THADA: variants seen among roughly 807,000 people sequenced by gnomAD.
The protein encoded by THADA is THADA armadillo repeat containing.
In THADA, 213 loss-of-function variants were observed where a neutral mutation model predicts 219.8. The ratio of observed to expected loss-of-function variants is 0.97; its 90% CI spans 0.87 to 1.09. The LOEUF (loss-of-function observed/expected upper bound fraction) is 1.09, where lower values mean the gene tolerates loss of function less well. THADA is among the 50% of genes least tolerant of loss of function. The probability of loss-of-function intolerance (pLI) is 0.00; values close to 1 mark genes in which losing one functional copy is unlikely to be tolerated. For missense variants in THADA, 2,956 were observed against 2,311.3 expected, an observed-to-expected ratio of 1.28 and a Z score of -5.72; for synonymous variants, 1,018 against 828.9, an observed-to-expected ratio of 1.23 and a Z score of -3.92.
chr2:43,296,261 C>CTGGAACTCATGTAGGCTCACAAT, intron 31 of THADA, among the ~76,000 whole-genome samples: 4 of 151,132 alleles, frequency 2.6e-5, no homozygotes, highest in Admixed American at 6.6e-5. Context: ...CCCAGCTCAC[C>CTGGAACTCATGTAGGCTCACAAT]AGGAGGCATC....
intron 36 of THADA, 49 bp downstream of exon 36, chr2:43,279,716 C>A (rs1673117382): frequency 7.2e-6 from 11 of 1,522,602 alleles, no homozygotes; most frequent in Non-Finnish European, 9.7e-6. Flanking sequence ...AGTGTTCCAA[C>A]CTCTATCCTG....
intron 22 of THADA, among the ~76,000 whole-genome samples, chr2:43,509,121 G>T (rs766777248): frequency 2.6e-5 from 4 of 152,098 alleles, no homozygotes; most frequent in Non-Finnish European, 5.9e-5. Context: ...CCAACAAAGA[G>T]AATATAAGTT....
intron 26 of THADA, among the ~76,000 whole-genome samples, chr2:43,446,506 GA>G (rs1029970542): frequency 3.3e-5 from 5 of 152,182 alleles, no homozygotes; most frequent in African/African-American, 9.7e-5. Flanking sequence ...TCCAGCCCCA[GA>G]AATGTGAGTG....
intron 22 of THADA, among the ~76,000 whole-genome samples, chr2:43,526,113 T>C (rs929544718): frequency 3.3e-5 from 5 of 152,232 alleles, no homozygotes; most frequent in Non-Finnish European, 4.4e-5. Context: ...GCCAGAGATC[T>C]GTCAATAGGG....
chr2:43,477,035 G>A (rs1685635056), intron 26 of THADA, among the ~76,000 whole-genome samples: 1 of 152,038 alleles, frequency 6.6e-6, no homozygotes, highest in South Asian at 2.1e-4. Context: ...TGACAATGTG[G>A]GATAATTTAC....
At chr2:43,442,035 G>C (rs532348965) in intron 26 of THADA, among the ~76,000 whole-genome samples, 65 of 152,272 alleles carry the variant, frequency 4.3e-4, no homozygotes, top group Non-Finnish European at 7.9e-4. Context: ...AATAGCATAA[G>C]GCAAACCATT....
intron 26 of THADA, among the ~76,000 whole-genome samples, chr2:43,431,476 GT>G (rs905081153): frequency 2.6e-5 from 4 of 151,642 alleles, no homozygotes; most frequent in South Asian, 2.1e-4. Context: ...TTGTTTGTTT[GT>G]TTTTTTGAGA....
At chr2:43,315,197 T>A (rs1677937480) in intron 31 of THADA, among the ~76,000 whole-genome samples, 1 of 152,238 alleles carries the variant, frequency 6.6e-6, no homozygotes. Flanking sequence ...AAGATTCATA[T>A]TTAAATACAT....
chr2:43,342,302 CA>C (rs1463567627), intron 30 of THADA, among the ~76,000 whole-genome samples: 1 of 152,182 alleles, frequency 6.6e-6, no homozygotes, highest in Non-Finnish European at 1.5e-5. Flanking sequence ...ATTTCTCCAT[CA>C]ATATCCCTAT....
chr2:43,358,201 A>C (rs200593455), intron 29 of THADA, among the ~76,000 whole-genome samples: 1 of 152,196 alleles, frequency 6.6e-6, no homozygotes, highest in African/African-American at 2.4e-5. Context: ...CACAAAGTAC[A>C]TTACTTTTAG....
At chr2:43,526,182 C>T (rs1054027480) in intron 22 of THADA, among the ~76,000 whole-genome samples, 4 of 152,142 alleles carry the variant, frequency 2.6e-5, no homozygotes, top group East Asian at 1.9e-4. Flanking sequence ...AATTTTTGTA[C>T]AATCTCATTG....
chr2:43,286,110 C>A (rs1212516712), intron 35 of THADA, among the ~76,000 whole-genome samples: 2 of 152,142 alleles, frequency 1.3e-5, no homozygotes, highest in African/African-American at 4.8e-5. Flanking sequence ...TTGCAATAGG[C>A]CTCCCAGAAG....
chr2:43,508,925 C>T lies in THADA; in HGVS notation c.3375-145G>A, dbSNP rs1472367098. ...ACTAAAACATGTCTCATACTTTTCA[C>T]CTACTTTCCTCTTTATTATGGGTCT... On this transcript the variant is annotated intron_variant, in intron 22 of 37. Transcript: ENST00000405975. 5 of 733,380 alleles carry T rather than the reference C, an allele frequency of 6.8e-6. No individual in the cohort carries two copies. In the East Asian group the frequency reaches 1.4e-4, roughly 21 times the overall value. 45.4% of individuals were successfully genotyped at this position (733,380 alleles called of 1,614,324 possible).
intron 28 of THADA, among the ~76,000 whole-genome samples, chr2:43,401,124 G>C (rs1345957400): frequency 6.6e-6 from 1 of 152,156 alleles, no homozygotes; most frequent in African/African-American, 2.4e-5. Context: ...TTCTAGGCCT[G>C]AATACTAGGT....
Position 43,286,780 on chromosome 2 carries a change from A to G in THADA, c.5164+128T>C, listed in dbSNP as rs139162931. 21 of 1,044,476 alleles carry G rather than the reference A, an allele frequency of 2.0e-5. No homozygotes were observed. In the African/African-American group the frequency reaches 3.2e-4, roughly 16 times the overall value. The allele number at this position is 1,044,476 out of a possible 1,614,324, so 64.7% of individuals were successfully genotyped here. ...TTAGAGCATGAACTAAGACGGTAGGAATATAACTGAAAGACATAAAGGCAG... is the reference window on the plus strand; with the variant it reads ...TTAGAGCATGAACTAAGACGGTAGGGATATAACTGAAAGACATAAAGGCAG... On this transcript the variant is annotated intron_variant, in intron 35 of 37. Transcript: ENST00000405975.
At chr2:43,271,023 G>C (rs572994814) in intron 36 of THADA, among the ~76,000 whole-genome samples, 19 of 152,238 alleles carry the variant, frequency 1.2e-4, no homozygotes, top group South Asian at 1.0e-3. Context: ...AGAGCAGACG[G>C]GGCTCTGGGA....
At chr2:43,397,743 T>C (rs1395618258) in intron 29 of THADA, among the ~76,000 whole-genome samples, 1 of 151,578 alleles carries the variant, frequency 6.6e-6, no homozygotes. Flanking sequence ...AAACACAGGA[T>C]GTATTGCAAA....
At chr2:43,268,197 T>C (rs1481566439) in intron 36 of THADA, among the ~76,000 whole-genome samples, 1 of 152,214 alleles carries the variant, frequency 6.6e-6, no homozygotes, top group Non-Finnish European at 1.5e-5. Context: ...CATTTTGACA[T>C]TCAGGGAGGG....
At chr2:43,410,824 A>T (rs1676196447) in intron 28 of THADA, among the ~76,000 whole-genome samples, 1 of 152,220 alleles carries the variant, frequency 6.6e-6, no homozygotes, top group African/African-American at 2.4e-5. Flanking sequence ...AAAAATATCA[A>T]ATTGTACACT....
Sources: allele counts gnomAD v4.1 joint callset (sites outside exome capture counted in the v4.1 genomes callset), GRCh38; gene constraint gnomAD v4.1.1; transcripts MANE v1.5; gene names NCBI Gene and HGNC (gene_info 2026-07-23, HGNC 2026-07-21).